Variants in ST3GAL2 observed in about 807,000 individuals in gnomAD.
The protein encoded by ST3GAL2 is CMP-N-acetylneuraminate-beta-galactosamide-alpha-2,3-sialyltransferase 2.
Under a neutral mutation model 37.5 loss-of-function variants are expected in ST3GAL2, and 16 were observed. That is an observed-to-expected ratio of 0.43 (90% CI 0.29 to 0.65). The LOEUF (loss-of-function observed/expected upper bound fraction) is 0.65. ST3GAL2 is among the 30% of genes least tolerant of loss of function. The pLI is 0.17. For synonymous variants in ST3GAL2, 238 were observed against 202.9 expected, an observed-to-expected ratio of 1.17 and a Z score of -1.47; for missense variants, 383 against 487.8, an observed-to-expected ratio of 0.79 and a Z score of 2.02.
At position 70,379,680 on chromosome 16, in the gene ST3GAL2, G is replaced by C. The variant is rs2047380969; in HGVS notation, c.*2009C>G. 6.6e-6 allele frequency: 1 copy of C among 152,282 alleles called. No individual in the cohort carries two copies. The highest frequency in any genetic ancestry group is 1.9e-4 in the East Asian group (1 of 5,198). The allele number at this position is 152,282 out of a possible 1,614,324, so 9.4% of individuals were successfully genotyped here. ...TCTGTCGCCCAGGCTGGAGTGCAGT[G>C]GCACAATCTCGGCTCACTGCAACCT... On this transcript the variant is annotated 3_prime_UTR_variant, in exon 7 of 7. Transcript: ENST00000342907.
chr16:70,428,556 G>A (rs965237007), intron 1 of ST3GAL2, among the ~76,000 whole-genome samples: 6 of 152,200 alleles, frequency 3.9e-5, no homozygotes, highest in Non-Finnish European at 8.8e-5. Context: ...CCCTGCTAGG[G>A]TGGGGCTTGG....
At chr16:70,418,155 T>C (rs1278548864) in intron 1 of ST3GAL2, among the ~76,000 whole-genome samples, 1 of 152,184 alleles carries the variant, frequency 6.6e-6, no homozygotes, top group East Asian at 1.9e-4. Context: ...CAGTTATTGA[T>C]CGACACCAGG....
chr16:70,408,495 G>A (rs960865412), intron 1 of ST3GAL2, among the ~76,000 whole-genome samples: 1 of 152,028 alleles, frequency 6.6e-6, no homozygotes, highest in African/African-American at 2.4e-5. Flanking sequence ...TGACCTGTCT[G>A]AGAATGGGCC....
chr16:70,398,413 C>G lies in ST3GAL2; in HGVS notation c.118G>C (p.Gly40Arg). ...ACCCGGTGCGTCCCATCCAGGGCCC[C>G]TGAGTCCAGGTAGGGGAGCGTGGCC... ...SMATLPYLDS[G>R]ALDGTHRVKL... is the part of the protein sequence containing the mutation. The change falls in exon 2 of 7, where the codon GGG becomes CGG. Residue 40 changes from glycine (G) to arginine (R), a missense_variant. Physicochemically the swap from Gly to Arg is moderately radical, Grantham distance 125. Coordinates refer to ENST00000342907, the MANE Select transcript of ST3GAL2 (RefSeq NM_006927.4). The G allele has an allele frequency of 1.9e-6, 3 of 1,613,726 alleles. No homozygotes were observed. The highest frequency in any genetic ancestry group is 2.5e-6 in the Non-Finnish European group (3 of 1,180,006).
At chr16:70,405,627 A>C (rs2047586133) in intron 1 of ST3GAL2, among the ~76,000 whole-genome samples, 1 of 152,134 alleles carries the variant, frequency 6.6e-6, no homozygotes, top group Non-Finnish European at 1.5e-5. Context: ...AAATGTACAG[A>C]ATAGGCAAAT....
chr16:70,429,588 C>CAAAAAAAAAAAAAAAAAAAA (rs1173306093), intron 1 of ST3GAL2, among the ~76,000 whole-genome samples: 7 of 36,060 alleles, frequency 1.9e-4, no homozygotes, highest in African/African-American at 6.7e-4. Context: ...GACTCTGTCT[C>CAAAAAAAAAAAAAAAAAAAA]AAAAAAAAAA....
intron 1 of ST3GAL2, among the ~76,000 whole-genome samples, chr16:70,429,776 G>T (rs1477759700): frequency 1.3e-5 from 2 of 151,346 alleles, no homozygotes; most frequent in Admixed American, 6.6e-5. Flanking sequence ...CCAGTAGCTG[G>T]GATTACAGGC....
chr16:70,428,820 G>A (rs572368794), intron 1 of ST3GAL2, among the ~76,000 whole-genome samples: 2 of 152,310 alleles, frequency 1.3e-5, no homozygotes, highest in East Asian at 3.9e-4. Flanking sequence ...CTGTGCGGCT[G>A]ACCCAGCGCC....
At chr16:70,394,578 A>G (rs2047502764) in intron 3 of ST3GAL2, among the ~76,000 whole-genome samples, 1 of 152,108 alleles carries the variant, frequency 6.6e-6, no homozygotes, top group African/African-American at 2.4e-5. Flanking sequence ...GGGTTTCGCC[A>G]TGTTACCTAG....
intron 1 of ST3GAL2, among the ~76,000 whole-genome samples, chr16:70,404,002 A>G (rs1030015016): frequency 6.6e-6 from 1 of 152,288 alleles, no homozygotes; most frequent in East Asian, 1.9e-4. Flanking sequence ...CTCGAAAAAA[A>G]AAAGAAAGTT....
At chr16:70,419,060 G>A (rs554692013) in intron 1 of ST3GAL2, among the ~76,000 whole-genome samples, 1 of 152,296 alleles carries the variant, frequency 6.6e-6, no homozygotes, top group Admixed American at 6.5e-5. Context: ...CCAACTCTTG[G>A]ATGTCAACAT....
intron 1 of ST3GAL2, among the ~76,000 whole-genome samples, chr16:70,402,098 G>A (rs1234480574): frequency 2.7e-5 from 4 of 149,762 alleles, no homozygotes; most frequent in South Asian, 2.1e-4. Context: ...TTGGGAGTTC[G>A]AGACCAGCCT....
chr16:70,438,646 GAGGGCTGGGGCT>G (rs1193451130), intron 1 of ST3GAL2, among the ~76,000 whole-genome samples: 5 of 151,718 alleles, frequency 3.3e-5, no homozygotes, highest in Admixed American at 3.3e-4. Context: ...GAGCTCTTCC[GAGGGCTGGGGCT>G]GGGGCTGGGG....
intron 4 of ST3GAL2, among the ~76,000 whole-genome samples, 158 bp downstream of exon 4, chr16:70,388,209 T>C (rs769386662): frequency 2.6e-5 from 4 of 151,752 alleles, no homozygotes; most frequent in Non-Finnish European, 5.9e-5. Context: ...CAGAGCAAGC[T>C]GTGCCTTCAG....
chr16:70,392,312 C>T (rs2047487164), intron 3 of ST3GAL2, among the ~76,000 whole-genome samples: 1 of 152,212 alleles, frequency 6.6e-6, no homozygotes. Flanking sequence ...AGAAGCCACG[C>T]CCTGGAAAGG....
At position 70,388,492 on chromosome 16, in the gene ST3GAL2, G is replaced by A. The variant is rs1567666359; in HGVS notation, c.588C>T (p.Thr196=). The part of the protein sequence containing the change: ...GFEQDVGSRT[T]HHFMYPESAK... ...CACTCTCAGGGTACATGAAATGGTG[G>A]GTGGTTCGGCTGCCAACATCCTGCT... The change falls in exon 4 of 7, where the codon ACC becomes ACT. Residue 196 remains threonine, a synonymous_variant. Coordinates refer to ENST00000342907, the MANE Select transcript of ST3GAL2 (RefSeq NM_006927.4). 1.2e-6 allele frequency: 2 copies of A among 1,613,428 alleles called. No individual in the cohort carries two copies. The highest frequency in any genetic ancestry group is 1.1e-5 in the South Asian group (1 of 91,012).
At position 70,381,538 on chromosome 16, in the gene ST3GAL2, G is replaced by C. The variant is rs1049252788; in HGVS notation, c.*151C>G. 42 of 919,754 alleles carry C rather than the reference G, an allele frequency of 4.6e-5. No individual in the cohort carries two copies. The highest frequency in any genetic ancestry group is 6.4e-5 in the Non-Finnish European group (40 of 629,526). 57.0% of individuals were successfully genotyped at this position (919,754 alleles called of 1,614,324 possible). Reference sequence around the variant, plus strand: ...CCGACCGCAGCGCAGATTGGTGCCAGGCCCGGCCGGTCCCCCAGTCTCGTG... The same window carrying C: ...CCGACCGCAGCGCAGATTGGTGCCACGCCCGGCCGGTCCCCCAGTCTCGTG... On this transcript the variant is annotated 3_prime_UTR_variant, in exon 7 of 7. Coordinates refer to ENST00000342907, the MANE Select transcript of ST3GAL2 (RefSeq NM_006927.4).
At position 70,398,593 on chromosome 16, in the gene ST3GAL2, C is replaced by A; in HGVS notation, c.-63G>T. The A allele has an allele frequency of 1.4e-6, 2 of 1,463,892 alleles. No individual in the cohort carries two copies. The highest frequency in any genetic ancestry group is 1.8e-6 in the Non-Finnish European group (2 of 1,091,698). The allele number at this position is 1,463,892 out of a possible 1,614,324, so 90.7% of individuals were successfully genotyped here. ...TTTTCCCAGCCCGCTGAGGGGCCAG[C>A]CACGGCGTAGCCTGCCTATTCTGGC... On this transcript the variant is annotated 5_prime_UTR_variant, in exon 2 of 7. Transcript: ENST00000342907.
intron 2 of ST3GAL2, 127 bp downstream of exon 2, chr16:70,398,065 T>C: frequency 1.0e-6 from 1 of 970,502 alleles, no homozygotes; most frequent in Non-Finnish European, 1.5e-6. Context: ...CAGTAATCTG[T>C]GATCCTATAA....
Sources: gnomAD v4.1 joint callset for allele counts (sites outside exome capture counted in the v4.1 genomes callset) on GRCh38, gnomAD v4.1.1 for gene constraint, MANE v1.5 for transcripts, NCBI Gene and HGNC (gene_info 2026-07-23, HGNC 2026-07-21) for gene names.